The following PKD1L1 variants were observed in gnomAD, a reference collection of about 807,000 sequenced individuals.
PKD1L1 encodes polycystin 1 like 1, transient receptor potential channel interacting.
A neutral mutation model predicts 323.4 loss-of-function variants in PKD1L1; 236 were observed. The ratio of observed to expected loss-of-function variants is 0.73; its 90% CI spans 0.66 to 0.81. The LOEUF is 0.81. PKD1L1 is among the 40% of genes least tolerant of loss of function. PKD1L1 has a pLI of 0.00. For synonymous variants in PKD1L1, 1,344 were observed against 1,335.0 expected (o/e 1.01, Z -0.15); for missense variants, 3,320 against 3,508.0 (o/e 0.95, Z 1.35).
At chr7:47,825,193 C>T (rs181365995) in intron 45 of PKD1L1, among the ~76,000 whole-genome samples, 1 of 152,162 alleles carries the variant, frequency 6.6e-6, no homozygotes, top group East Asian at 1.9e-4. Context: ...TGTGAACTCT[C>T]TGTTCACTTT....
At chr7:47,869,366 T>A (rs1036154118) in intron 24 of PKD1L1, among the ~76,000 whole-genome samples, 2 of 152,172 alleles carry the variant, frequency 1.3e-5, no homozygotes, top group African/African-American at 4.8e-5. Context: ...TGCTGTCTAC[T>A]GGAGACTACT....
Position 47,876,189 on chromosome 7 carries a change from A to G in PKD1L1, c.3692T>C (p.Ile1231Thr), listed in dbSNP as rs144442189. ...CAAAGTGTGTTTGGAGGTGTTTCCT[A>G]TCTGGTAACTAAATTCATAATGGAA... Reference protein sequence around the residue: ...PDFHYEFSYQIGNTSKHTLYH... With the variant: ...PDFHYEFSYQTGNTSKHTLYH... The change falls in exon 23 of 57, where the codon ATA (isoleucine) becomes ACA (threonine). Residue 1231 changes from isoleucine to threonine, a missense_variant. Coordinates refer to ENST00000289672, the MANE Select transcript of PKD1L1 (RefSeq NM_138295.5). 4 of 1,613,992 alleles carry G rather than the reference A, an allele frequency of 2.5e-6. No homozygotes were observed. In the African/African-American group the frequency reaches 4.0e-5, roughly 16 times the overall value.
chr7:47,866,347 G>C lies in PKD1L1; in HGVS notation c.4092+72C>G, dbSNP rs1436239536. 8 of 1,493,708 alleles carry C rather than the reference G, an allele frequency of 5.4e-6. No homozygotes were observed. The East Asian group carries it at 1.8e-4, about 34-fold the overall frequency. The allele number at this position is 1,493,708 out of a possible 1,614,324, so 92.5% of individuals were successfully genotyped here. On this transcript the variant is annotated intron_variant, in intron 25 of 56. Coordinates refer to ENST00000289672, the MANE Select transcript of PKD1L1 (RefSeq NM_138295.5). ...CATAAGCATGACCACTTGCTAGTGAGCCAGCCAGTCATGAGCCCTGCCACT... is the reference window on the plus strand; with the variant it reads ...CATAAGCATGACCACTTGCTAGTGACCCAGCCAGTCATGAGCCCTGCCACT...
chr7:47,929,060 G>C (rs891454290), intron 7 of PKD1L1, 144 bp downstream of exon 7: 1 of 793,110 alleles, frequency 1.3e-6, no homozygotes, highest in Non-Finnish European at 2.0e-6. Flanking sequence ...GTGTGCCACT[G>C]AGCTACTATT....
chr7:47,798,572 A>G (rs1481489195), intron 54 of PKD1L1, among the ~76,000 whole-genome samples: 1 of 152,152 alleles, frequency 6.6e-6, no homozygotes, highest in African/African-American at 2.4e-5. Context: ...CCTTACCAAC[A>G]TGACGAAACC....
intron 47 of PKD1L1, 131 bp downstream of exon 47, chr7:47,815,203 C>T: frequency 8.1e-7 from 1 of 1,233,832 alleles, no homozygotes; most frequent in East Asian, 2.4e-5. Context: ...ACTGGAGAGC[C>T]ACCGGCCTTA....
intron 24 of PKD1L1, among the ~76,000 whole-genome samples, chr7:47,868,236 G>T (rs143721569): frequency 0.19 from 29,097 of 152,078 alleles, 2,991 homozygotes; most frequent in Middle Eastern, 0.25. Flanking sequence ...GGGCGTGGCG[G>T]TGTGTGCCTG....
chr7:47,857,803 A>G lies in PKD1L1; in HGVS notation c.4392T>C (p.Thr1464=). The G allele has an allele frequency of 6.2e-7, 1 of 1,614,220 alleles. No individual in the cohort carries two copies. Among genetic ancestry groups the G allele is most frequent in the Non-Finnish European group, 8.5e-7 (1 of 1,180,044 alleles). Residue 1464 remains threonine, a synonymous_variant, in exon 28 of 57, where the codon ACT becomes ACC. Transcript: ENST00000289672. ...GAAGGGTCCGGAACTCCATCTGCCC[A>G]GTGCTAACATGGTTCAAAGAGAGAC... ...LGCLSLNHVS[T]GQMEFRTLLH...
chr7:47,885,663 C>A, intron 18 of PKD1L1, 23 bp downstream of exon 18: 1 of 1,592,716 alleles, frequency 6.3e-7, no homozygotes, highest in Non-Finnish European at 8.6e-7. Flanking sequence ...AGAGGGATGA[C>A]ATGCAGGAAC....
At position 47,876,176 on chromosome 7, in the gene PKD1L1, G is replaced by A; in HGVS notation, c.3705C>T (p.Ser1235=). ...YEFSYQIGNT[S]KHTLYHGRDT... ...CTCTCCCATGGTACAAAGTGTGTTT[G>A]GAGGTGTTTCCTATCTGGTAACTAA... The change falls in exon 23 of 57, where the codon TCC becomes TCT. Residue 1235 remains serine (S), a synonymous_variant. Transcript: ENST00000289672. 1 of 1,614,102 alleles carries A rather than the reference G, an allele frequency of 6.2e-7. No homozygotes were observed. The highest frequency in any genetic ancestry group is 1.1e-5 in the South Asian group (1 of 91,060).
intron 15 of PKD1L1, among the ~76,000 whole-genome samples, chr7:47,891,446 T>C (rs113792087): frequency 0.046 from 7,004 of 152,286 alleles, 389 homozygotes; most frequent in African/African-American, 0.14. Context: ...GAAATGCTGC[T>C]ATGGAAATGT....
At position 47,854,912 on chromosome 7, in the gene PKD1L1, G is replaced by T; in HGVS notation, c.4829C>A (p.Thr1610Lys). Residue 1610 changes from threonine to lysine, a missense_variant, in exon 30 of 57, where the codon ACA (threonine) becomes AAA (lysine). Thr to Lys is a moderately conservative substitution (Grantham distance 78). Coordinates refer to ENST00000289672, the MANE Select transcript of PKD1L1 (RefSeq NM_138295.5). ...TAGCAACATGACGGGAAATGCCCTT[G>T]TAACAGGTTTGGAAAATTCAATTTC... is the stretch of plus-strand genomic sequence containing the variant. ...QIEIEFSKPVTRAFPVMLLVR... is the reference protein window; with the variant it reads ...QIEIEFSKPVKRAFPVMLLVR... 1.2e-6 allele frequency: 2 copies of T among 1,614,144 alleles called. No individual in the cohort carries two copies.
Position 47,813,106 on chromosome 7 carries a change from T to C in PKD1L1, c.7346+15A>G, listed in dbSNP as rs1006458164. ...GGCAGGCAGGATGAGCCCCGGCCCT[T>C]CGAATCTCACTGACCTTGTTCTGCC... is the stretch of plus-strand genomic sequence containing the variant. On this transcript the variant is annotated intron_variant, in intron 49 of 56. Coordinates refer to ENST00000289672, the MANE Select transcript of PKD1L1 (RefSeq NM_138295.5). The C allele has an allele frequency of 2.5e-6, 4 of 1,608,090 alleles. No individual in the cohort carries two copies. The highest frequency in any genetic ancestry group is 3.4e-6 in the Non-Finnish European group (4 of 1,177,116).
chr7:47,864,187 T>C (rs932143291), intron 26 of PKD1L1, among the ~76,000 whole-genome samples: 2 of 152,066 alleles, frequency 1.3e-5, no homozygotes, highest in Non-Finnish European at 2.9e-5. Context: ...GTCACTCAGA[T>C]TGAGATGAGG....
rs751106678 is a variant in PKD1L1, at chr7:47,835,199, A to T, written c.5988T>A (p.Gly1996=). The part of the protein sequence containing the change: ...VSPTLGSFRV[G]LLCTLLASPG... Reference sequence around the variant, plus strand: ...GAGAAGCCAGGAGGGTACACAGGAGACCCACCCTGAAGGATCCAAGGGTGG... The same window carrying T: ...GAGAAGCCAGGAGGGTACACAGGAGTCCCACCCTGAAGGATCCAAGGGTGG... Residue 1996 remains glycine (G), a synonymous_variant, in exon 38 of 57, where the codon GGT becomes GGA. Coordinates refer to ENST00000289672, the MANE Select transcript of PKD1L1 (RefSeq NM_138295.5). 1.3e-6 allele frequency: 2 copies of T among 1,589,662 alleles called. No individual in the cohort carries two copies. The highest frequency in any genetic ancestry group is 2.2e-5 in the East Asian group (1 of 44,720).
intron 16 of PKD1L1, among the ~76,000 whole-genome samples, chr7:47,889,544 C>T (rs894793504): frequency 1.3e-5 from 2 of 152,146 alleles, no homozygotes; most frequent in Non-Finnish European, 2.9e-5. Context: ...CTCTTATCCA[C>T]TCAGCCTTAT....
chr7:47,801,560 T>C (rs887695061), intron 53 of PKD1L1, among the ~76,000 whole-genome samples: 1 of 152,154 alleles, frequency 6.6e-6, no homozygotes, highest in Non-Finnish European at 1.5e-5. Flanking sequence ...TGGACGGGCC[T>C]ACAGAGAGGC....
At chr7:47,923,154 A>T (rs1304124385) in intron 7 of PKD1L1, among the ~76,000 whole-genome samples, 1 of 152,044 alleles carries the variant, frequency 6.6e-6, no homozygotes, top group East Asian at 1.9e-4. Flanking sequence ...AAGAGTCGTC[A>T]CCACTCCCTA....
chr7:47,784,389 AG>A (rs998305038), intron 56 of PKD1L1, among the ~76,000 whole-genome samples: 4 of 152,256 alleles, frequency 2.6e-5, no homozygotes, highest in African/African-American at 9.6e-5. Context: ...AGAAAAGCTT[AG>A]AAAAAATAAG....
Sources: allele counts gnomAD v4.1 joint callset (sites outside exome capture counted in the v4.1 genomes callset), GRCh38; gene constraint gnomAD v4.1.1; transcripts MANE v1.5; gene names NCBI Gene and HGNC (gene_info 2026-07-23, HGNC 2026-07-21).